CSMD2: variants seen among roughly 807,000 people sequenced by gnomAD.
CSMD2 encodes CUB and sushi domain-containing protein 2.
CSMD2 carries 130 observed loss-of-function variants against 398.5 expected under a neutral mutation model. The observed-to-expected ratio is 0.33, with a 90% confidence interval of 0.28 to 0.38. The LOEUF (loss-of-function observed/expected upper bound fraction) is 0.38. Ranked by LOEUF, CSMD2 falls within the 10% of genes least tolerant of loss-of-function variation. CSMD2 has a pLI of 1.00. For synonymous variants in CSMD2, 1,828 were observed against 1,908.5 expected (o/e 0.96, Z 1.10); for missense variants, 3,829 against 4,764.9 (o/e 0.80, Z 5.78).
intron 12 of CSMD2, among the ~76,000 whole-genome samples, chr1:33,778,679 C>T (rs1652312673): frequency 6.6e-6 from 1 of 152,184 alleles, no homozygotes; most frequent in African/African-American, 2.4e-5. Flanking sequence ...TATAGCATTG[C>T]CTGCCCCACG....
intron 3 of CSMD2, among the ~76,000 whole-genome samples, chr1:34,024,385 T>C (rs765034485): frequency 4.6e-5 from 7 of 152,200 alleles, no homozygotes; most frequent in Non-Finnish European, 7.3e-5. Context: ...AGGAAGACGG[T>C]CATGGCACTA....
intron 10 of CSMD2, among the ~76,000 whole-genome samples, chr1:33,799,522 T>C (rs1655348675): frequency 1.3e-5 from 2 of 152,232 alleles, no homozygotes; most frequent in African/African-American, 2.4e-5. Flanking sequence ...CCTCCATTTA[T>C]TTCTCCCTAA....
intron 15 of CSMD2, among the ~76,000 whole-genome samples, chr1:33,737,073 A>T (rs935791268): frequency 6.6e-6 from 1 of 152,324 alleles, no homozygotes; most frequent in African/African-American, 2.4e-5. Context: ...TTCACCAGCA[A>T]ATAACTCCAT....
intron 5 of CSMD2, among the ~76,000 whole-genome samples, chr1:33,858,164 GAT>G (rs1447376683): frequency 6.6e-6 from 1 of 152,178 alleles, no homozygotes; most frequent in Non-Finnish European, 1.5e-5. Flanking sequence ...CTTATCTTCA[GAT>G]GCTGGTGAAG....
In CSMD2 at chr1:33,792,668, T is replaced by G. The variant is rs886153789; in HGVS notation, c.1447-142A>C. ...CCATCCTAAACAAACTGACCATTTC[T>G]GTCCCACTTTAATGAGTGTGAACTA... is the stretch of plus-strand genomic sequence containing the variant. On this transcript the variant is annotated intron_variant, in intron 10 of 70. Coordinates refer to ENST00000373381, the MANE Select transcript of CSMD2 (RefSeq NM_001281956.2). 1.4e-5 allele frequency: 9 copies of G among 646,918 alleles called. No homozygotes were observed. The African/African-American group carries it at 1.6e-4, about 12-fold the overall frequency. The allele number at this position is 646,918 out of a possible 1,614,324, so 40.1% of individuals were successfully genotyped here.
intron 25 of CSMD2, among the ~76,000 whole-genome samples, chr1:33,689,089 G>A (rs1645150864): frequency 2.0e-5 from 3 of 148,506 alleles, no homozygotes; most frequent in Admixed American, 6.8e-5. Context: ...GGAAGGAGAG[G>A]AGGAGAGGGA....
intron 1 of CSMD2, among the ~76,000 whole-genome samples, chr1:34,159,768 T>G (rs1039127950): frequency 9.9e-5 from 15 of 152,182 alleles, no homozygotes; most frequent in Non-Finnish European, 2.2e-4. Context: ...TTATTATAAC[T>G]CCCCTGGGTG....
Position 33,927,902 on chromosome 1 carries a change from C to G in CSMD2, c.712+7858G>C, listed in dbSNP as rs961920510. ...GGATGGAAAAGTAGTTTCCAGCCCCCACCCTGAAGCAGCATCTGTCCAACA... is the reference window on the plus strand; with the variant it reads ...GGATGGAAAAGTAGTTTCCAGCCCCGACCCTGAAGCAGCATCTGTCCAACA... On this transcript the variant is annotated intron_variant, in intron 4 of 70. Transcript: ENST00000373381. Among the ~76,000 whole-genome samples the G allele has an allele frequency of 7.2e-5, 11 of 152,182 alleles. No individual in the cohort carries two copies. In the East Asian group the frequency reaches 1.9e-3, roughly 27 times the overall value.
intron 10 of CSMD2, among the ~76,000 whole-genome samples, chr1:33,794,225 G>A (rs57827448): frequency 6.6e-6 from 1 of 152,322 alleles, no homozygotes; most frequent in African/African-American, 2.4e-5. Context: ...TCATAAGCCT[G>A]GGTAGTGTCT....
chr1:33,884,133 G>A (rs1234567045), intron 5 of CSMD2, among the ~76,000 whole-genome samples: 1 of 152,002 alleles, frequency 6.6e-6, no homozygotes, highest in Admixed American at 6.5e-5. Context: ...ATGAGTCTAG[G>A]CTCCCAGGAA....
At chr1:33,796,840 T>G (rs959286906) in intron 10 of CSMD2, among the ~76,000 whole-genome samples, 23 of 152,174 alleles carry the variant, frequency 1.5e-4, no homozygotes, top group African/African-American at 5.6e-4. Context: ...TATTAATAAT[T>G]AAGACCCTGG....
chr1:34,059,931 C>T (rs1220119025), intron 2 of CSMD2, among the ~76,000 whole-genome samples: 1 of 152,180 alleles, frequency 6.6e-6, no homozygotes, highest in Non-Finnish European at 1.5e-5. Context: ...ATGTCCCTTT[C>T]ACCCCCACCC....
intron 32 of CSMD2, among the ~76,000 whole-genome samples, chr1:33,630,006 A>G (rs1173220876): frequency 6.6e-6 from 1 of 151,944 alleles, no homozygotes; most frequent in African/African-American, 2.4e-5. Context: ...TTTTATATCT[A>G]CAGGTCTTAT....
At chr1:33,972,798 T>C (rs1645820235) in intron 3 of CSMD2, among the ~76,000 whole-genome samples, 1 of 152,156 alleles carries the variant, frequency 6.6e-6, no homozygotes, top group African/African-American at 2.4e-5. Flanking sequence ...ACCATCATGC[T>C]TGTAGAGATT....
intron 24 of CSMD2, among the ~76,000 whole-genome samples, chr1:33,698,394 T>C (rs915403773): frequency 6.6e-6 from 1 of 152,180 alleles, no homozygotes; most frequent in Admixed American, 6.5e-5. Flanking sequence ...GGCGTTACGA[T>C]AAGCCCTGGA....
chr1:33,674,281 A>G (rs535483960), intron 25 of CSMD2, among the ~76,000 whole-genome samples: 15 of 151,386 alleles, frequency 9.9e-5, no homozygotes, highest in African/African-American at 2.9e-4. Flanking sequence ...AGCAAATGGA[A>G]AACAAAAAAA....
intron 3 of CSMD2, among the ~76,000 whole-genome samples, chr1:33,953,804 G>A (rs1645079343): frequency 2.0e-5 from 3 of 152,238 alleles, no homozygotes; most frequent in East Asian, 1.9e-4. Context: ...TGAGAGATAC[G>A]GATTGATTTT....
chr1:34,145,160 C>T (rs1571258481), intron 1 of CSMD2, among the ~76,000 whole-genome samples: 1 of 152,186 alleles, frequency 6.6e-6, no homozygotes, highest in African/African-American at 2.4e-5. Context: ...ATGAGGGTAG[C>T]CTCAATCTTA....
At chr1:33,601,039 GTCA>G in intron 43 of CSMD2, 29 bp from the exon 44 acceptor site, 2 of 1,613,260 alleles carry the variant, frequency 1.2e-6, no homozygotes, top group East Asian at 4.5e-5. Flanking sequence ...GTCCTGGCAT[GTCA>G]CTAGTCACCA....
Sources: allele counts gnomAD v4.1 joint callset (sites outside exome capture counted in the v4.1 genomes callset), GRCh38; gene constraint gnomAD v4.1.1; transcripts MANE v1.5; gene names NCBI Gene and HGNC (gene_info 2026-07-23, HGNC 2026-07-21).